The following ZC2HC1A variants were observed in gnomAD, a reference collection of about 807,000 sequenced individuals.
ZC2HC1A encodes zinc finger C2HC-type containing 1A, also known as zinc finger C2HC domain-containing protein 1A.
Under a neutral mutation model 40.7 loss-of-function variants are expected in ZC2HC1A, and 28 were observed. The ratio of observed to expected loss-of-function variants is 0.69; its 90% CI spans 0.51 to 0.94. The LOEUF is 0.94. ZC2HC1A is among the 40% of genes least tolerant of loss of function. The probability of loss-of-function intolerance (pLI) is 0.00; values close to 1 mark genes in which losing one functional copy is unlikely to be tolerated. For synonymous variants in ZC2HC1A, 129 were observed against 129.2 expected (o/e 1.00, Z 0.01); for missense variants, 389 against 386.3 (o/e 1.01, Z -0.06).
chr8:78,695,656 C>CTA (rs67856128), intron 5 of ZC2HC1A, among the ~76,000 whole-genome samples: 2 of 151,994 alleles, frequency 1.3e-5, no homozygotes, highest in South Asian at 4.1e-4. Context: ...CTTTCTCTCT[C>CTA]TATATATATA....
intron 1 of ZC2HC1A, 23 bp from the exon 2 acceptor site, chr8:78,675,764 T>TA (rs1276757793): frequency 1.3e-6 from 2 of 1,564,368 alleles, no homozygotes; most frequent in Non-Finnish European, 1.7e-6. Flanking sequence ...ATAAATTATT[T>TA]ATTAAATTCC....
intron 3 of ZC2HC1A, 42 bp from the exon 4 acceptor site, chr8:78,686,425 C>CTGTT (rs747014742): frequency 4.2e-4 from 483 of 1,162,182 alleles, no homozygotes; most frequent in South Asian, 1.2e-3. Context: ...TAAAAAGATA[C>CTGTT]TGTTTGTTTA....
At chr8:78,677,412 C>T (rs1000683795) in intron 2 of ZC2HC1A, among the ~76,000 whole-genome samples, 5 of 151,520 alleles carry the variant, frequency 3.3e-5, no homozygotes, top group Admixed American at 1.3e-4. Context: ...AAATCTTAGG[C>T]GAAGAAAACT....
chr8:78,715,725 C>T (rs1811080740), intron 8 of ZC2HC1A, among the ~76,000 whole-genome samples: 1 of 152,108 alleles, frequency 6.6e-6, no homozygotes, highest in Admixed American at 6.6e-5. Context: ...TGTCATTGAA[C>T]TGCTGCAGTC....
intron 8 of ZC2HC1A, among the ~76,000 whole-genome samples, chr8:78,716,232 C>T (rs1225960958): frequency 6.6e-6 from 1 of 151,490 alleles, no homozygotes; most frequent in Non-Finnish European, 1.5e-5. Context: ...ACGCCATTCT[C>T]CTGCCTCAGC....
chr8:78,705,350 G>GGTGT, intron 7 of ZC2HC1A, among the ~76,000 whole-genome samples: 1 of 152,200 alleles, frequency 6.6e-6, no homozygotes, highest in East Asian at 1.9e-4. Context: ...GTGTATGCTG[G>GGTGT]GTGTCCACTC....
intron 7 of ZC2HC1A, among the ~76,000 whole-genome samples, chr8:78,710,167 AT>A (rs1309162013): frequency 6.6e-6 from 1 of 152,100 alleles, no homozygotes; most frequent in Non-Finnish European, 1.5e-5. Flanking sequence ...TGTTATTGAG[AT>A]TTATAGATTT....
rs1170447225 is a variant in ZC2HC1A at position 78,717,370 on chromosome 8, T to G, written c.855T>G (p.Ile285Met). 6.2e-7 allele frequency: 1 copy of G among 1,613,356 alleles called. No homozygotes were observed. Among genetic ancestry groups the G allele is most frequent in the African/African-American group, 1.3e-5 (1 of 74,852 alleles). The change falls in exon 9 of 9, where the codon ATT becomes ATG. Residue 285 changes from isoleucine to methionine, a missense_variant. Transcript: ENST00000263849. ...DCASSLNGGN[I>M]KGIEGHSPGN... ...CATCTTCCCTTAATGGTGGAAATATTAAAGGCATTGAAGGACATTCACCTG... is the reference window on the plus strand; with the variant it reads ...CATCTTCCCTTAATGGTGGAAATATGAAAGGCATTGAAGGACATTCACCTG...
At chr8:78,711,741 G>C (rs190256717) in intron 7 of ZC2HC1A, among the ~76,000 whole-genome samples, 2 of 151,890 alleles carry the variant, frequency 1.3e-5, no homozygotes, top group Non-Finnish European at 2.9e-5. Flanking sequence ...TTGCCCTGCT[G>C]TGTATAATTT....
chr8:78,688,666 G>A (rs934684431), intron 4 of ZC2HC1A, among the ~76,000 whole-genome samples: 1 of 152,024 alleles, frequency 6.6e-6, no homozygotes, highest in Non-Finnish European at 1.5e-5. Flanking sequence ...AACATTTGCT[G>A]TTTCTTAAAT....
At chr8:78,678,440 A>G (rs939121031) in intron 2 of ZC2HC1A, 123 bp from the exon 3 acceptor site, 3 of 691,128 alleles carry the variant, frequency 4.3e-6, no homozygotes, top group South Asian at 4.3e-5. Context: ...TTTATTTATT[A>G]TTTTGTATTC....
rs150128748 is a variant in ZC2HC1A, at chr8:78,677,132, G to A, written c.93+1269G>A. On this transcript the variant is annotated intron_variant, in intron 2 of 8. Coordinates refer to ENST00000263849, the MANE Select transcript of ZC2HC1A (RefSeq NM_016010.3). ...AGACACGAAATAATCCAGTTTTGAG[G>A]TTTTATTTTTTCCCAAAGTTTGACA... Among the ~76,000 whole-genome samples the A allele has an allele frequency of 3.5e-3, 533 of 152,122 alleles. 4 individuals are homozygous for A. The highest frequency in any genetic ancestry group is 0.01 in the African/African-American group (425 of 41,512).
intron 6 of ZC2HC1A, among the ~76,000 whole-genome samples, chr8:78,698,034 T>C (rs1307344121): frequency 6.6e-6 from 1 of 152,160 alleles, no homozygotes; most frequent in African/African-American, 2.4e-5. Context: ...TTGTTATTGA[T>C]GTCATCTGTT....
chr8:78,699,123 G>A (rs951007407), intron 7 of ZC2HC1A, among the ~76,000 whole-genome samples: 1 of 10,306 alleles, frequency 9.7e-5, no homozygotes, highest in Non-Finnish European at 1.7e-4. Context: ...TTTTAATAAG[G>A]TGATTCTGTT....
intron 7 of ZC2HC1A, among the ~76,000 whole-genome samples, chr8:78,704,458 A>C (rs774010598): frequency 1.1e-4 from 16 of 150,906 alleles, no homozygotes; most frequent in Non-Finnish European, 2.1e-4. Context: ...GTTTCCACTG[A>C]GAGGTCTGCT....
intron 1 of ZC2HC1A, among the ~76,000 whole-genome samples, chr8:78,667,614 CA>C (rs1809335244): frequency 6.6e-6 from 1 of 152,082 alleles, no homozygotes; most frequent in African/African-American, 2.4e-5. Flanking sequence ...GCACCTAAAA[CA>C]ATGTCTGACA....
Position 78,694,049 on chromosome 8 carries a change from G to T in ZC2HC1A, c.505-3358G>T, listed in dbSNP as rs947372399. 8.5e-5 allele frequency among the ~76,000 whole-genome samples: 13 copies of T among 152,260 alleles called. No homozygotes were observed. In the South Asian group the frequency reaches 2.7e-3, roughly 32 times the overall value. ...TCAAAGATCAGATAGTTGTAGATGT[G>T]TGACATTATTTCTGAGTGCTCAGTT... On this transcript the variant is annotated intron_variant, in intron 5 of 8. Transcript: ENST00000263849.
chr8:78,672,886 T>C (rs1809474591), intron 1 of ZC2HC1A, among the ~76,000 whole-genome samples: 1 of 152,166 alleles, frequency 6.6e-6, no homozygotes. Flanking sequence ...TTAAACTACA[T>C]AAATTATTTT....
chr8:78,687,915 A>ATT (rs899825283), intron 4 of ZC2HC1A, among the ~76,000 whole-genome samples: 1 of 140,978 alleles, frequency 7.1e-6, no homozygotes, highest in East Asian at 2.0e-4. Context: ...TTATATAAAT[A>ATT]TATAATTATT....
Sources: gnomAD v4.1 joint callset for allele counts (sites outside exome capture counted in the v4.1 genomes callset) on GRCh38, gnomAD v4.1.1 for gene constraint, MANE v1.5 for transcripts, NCBI Gene and HGNC (gene_info 2026-07-23, HGNC 2026-07-21) for gene names.